Variants in DIPK1A observed in about 807,000 individuals in gnomAD.
DIPK1A encodes the protein divergent protein kinase domain 1A.
DIPK1A carries 27 observed loss-of-function variants against 40.8 expected under a neutral mutation model. That is an observed-to-expected ratio of 0.66 (90% confidence interval 0.49 to 0.91). The LOEUF is 0.91. Among genes scored for constraint, DIPK1A ranks in the 40% least tolerant of loss-of-function variants. The pLI is 0.00. For synonymous variants in DIPK1A, 166 were observed against 171.3 expected, an observed-to-expected ratio of 0.97 and a Z score of 0.24; for missense variants, 412 against 505.7, an observed-to-expected ratio of 0.81 and a Z score of 1.78.
At chr1:92,893,730 C>T (rs1457971314) in intron 1 of DIPK1A, among the ~76,000 whole-genome samples, 1 of 151,874 alleles carries the variant, frequency 6.6e-6, no homozygotes, top group Admixed American at 6.6e-5. Flanking sequence ...GAGTCAAGAC[C>T]CATCAGTGTG....
At chr1:92,922,864 G>GC (rs1193839996) in intron 1 of DIPK1A, among the ~76,000 whole-genome samples, 1 of 151,694 alleles carries the variant, frequency 6.6e-6, no homozygotes, top group African/African-American at 2.4e-5. Flanking sequence ...ACAAGTTCTG[G>GC]CACTGGTGCT....
At chr1:92,881,748 A>G (rs1299343873) in intron 1 of DIPK1A, among the ~76,000 whole-genome samples, 2 of 152,240 alleles carry the variant, frequency 1.3e-5, no homozygotes, top group East Asian at 3.8e-4. Flanking sequence ...TTTGGCTTTT[A>G]GAAAGAGAAA....
intron 1 of DIPK1A, among the ~76,000 whole-genome samples, chr1:92,925,799 T>G (rs1371272503): frequency 1.3e-5 from 2 of 152,130 alleles, no homozygotes; most frequent in East Asian, 3.8e-4. Context: ...AGGCCAAGAC[T>G]ATTCAGTTTT....
intron 1 of DIPK1A, among the ~76,000 whole-genome samples, chr1:92,924,071 T>C (rs1650382705): frequency 1.3e-5 from 2 of 152,240 alleles, no homozygotes; most frequent in South Asian, 4.1e-4. Flanking sequence ...TTTTATACTT[T>C]TCAGTGTAGA....
downstream of DIPK1A, among the ~76,000 whole-genome samples, chr1:92,839,176 T>A (rs2100692898): frequency 6.6e-6 from 1 of 151,972 alleles, no homozygotes; most frequent in South Asian, 2.1e-4. Context: ...CTGGCCAATA[T>A]GGTGAAACCC....
chr1:92,941,761 C>A (rs899707259), intron 1 of DIPK1A, among the ~76,000 whole-genome samples: 1 of 152,108 alleles, frequency 6.6e-6, no homozygotes, highest in Non-Finnish European at 1.5e-5. Flanking sequence ...AAAACTACAT[C>A]GGGAATTCAA....
At position 92,871,888 on chromosome 1, in the gene DIPK1A, C is replaced by A. The variant is rs184702004; in HGVS notation, c.189+4408G>T. Among the ~76,000 whole-genome samples, 247 of 152,086 alleles carry A rather than the reference C, an allele frequency of 1.6e-3. 2 individuals are homozygous for A. The highest frequency in any genetic ancestry group is 5.6e-3 in the African/African-American group (233 of 41,470). On this transcript the variant is annotated intron_variant, in intron 2 of 4. Coordinates refer to ENST00000370310, the MANE Select transcript of DIPK1A (RefSeq NM_001006605.5). ...TGGATGGACAGTTGGCTTGTTTCCA[C>A]CTTTTGGCTACTATGAATAATGCTA...
At chr1:92,928,752 A>G (rs1172570653) in intron 1 of DIPK1A, among the ~76,000 whole-genome samples, 1 of 152,196 alleles carries the variant, frequency 6.6e-6, no homozygotes, top group Non-Finnish European at 1.5e-5. Context: ...GCTTGAGCTC[A>G]GGGGTTTGAG....
At chr1:92,864,450 A>G (rs1306370412) in intron 2 of DIPK1A, among the ~76,000 whole-genome samples, 2 of 152,224 alleles carry the variant, frequency 1.3e-5, no homozygotes, top group African/African-American at 4.8e-5. Flanking sequence ...ATTCCTCATT[A>G]TTACCCAGGT....
chr1:92,920,829 C>T (rs1650241579), intron 1 of DIPK1A, among the ~76,000 whole-genome samples: 2 of 152,116 alleles, frequency 1.3e-5, no homozygotes, highest in African/African-American at 4.8e-5. Flanking sequence ...TTGAACTAGA[C>T]CAGCTGAAGA....
intron 4 of DIPK1A, chr1:92,835,381 G>T: frequency 4.5e-6 from 1 of 222,880 alleles, no homozygotes; most frequent in Non-Finnish European, 9.1e-6. Context: ...GGCTAGGCGC[G>T]GTGGCTCACA....
chr1:92,868,086 T>A (rs1206792306), intron 2 of DIPK1A, among the ~76,000 whole-genome samples: 1 of 152,160 alleles, frequency 6.6e-6, no homozygotes, highest in African/African-American at 2.4e-5. Flanking sequence ...TACTTTATCT[T>A]CATAAAATCT....
intron 1 of DIPK1A, among the ~76,000 whole-genome samples, chr1:92,901,490 G>A (rs746958148): frequency 6.6e-6 from 1 of 152,070 alleles, no homozygotes; most frequent in Admixed American, 6.6e-5. Context: ...GGCTGCAGCT[G>A]TGATTGTACC....
intron 2 of DIPK1A, among the ~76,000 whole-genome samples, chr1:92,870,978 A>G (rs548463814): frequency 3.7e-4 from 57 of 152,220 alleles, no homozygotes; most frequent in African/African-American, 1.3e-3. Flanking sequence ...CTCACTCTCT[A>G]CAGATGTTAA....
At chr1:92,850,662 CA>C (rs1687789912) in intron 3 of DIPK1A, among the ~76,000 whole-genome samples, 185 bp downstream of exon 3, 1 of 152,132 alleles carries the variant, frequency 6.6e-6, no homozygotes, top group South Asian at 2.1e-4. Context: ...GCCTGGACAA[CA>C]GATCCTGTCT....
rs766670594 is a variant in DIPK1A, at chr1:92,843,869, T to C, written c.801A>G (p.Arg267=). Residue 267 remains arginine, a synonymous_variant, in exon 5 of 5, where the codon AGA becomes AGG. Coordinates refer to ENST00000370310, the MANE Select transcript of DIPK1A (RefSeq NM_001006605.5). The part of the protein sequence containing the change: ...MDQLFTPSWP[R]KAKIAIGLLE... The stretch of plus-strand genomic sequence containing the variant: ...GAAGTCCTATGGCTATTTTGGCCTT[T>C]CTTGGCCATGATGGTGTGAACAGCT... The C allele has an allele frequency of 1.6e-5, 25 of 1,551,806 alleles. 1 individual carries two copies. The South Asian group carries it at 2.4e-4, about 15-fold the overall frequency.
rs1233830042 is a variant in DIPK1A at position 92,836,778 on chromosome 1, A to C, written c.475-3744T>G. The C allele has an allele frequency of 6.3e-5, 14 of 222,942 alleles. No homozygotes were observed. In the East Asian group the frequency reaches 1.6e-3, roughly 25 times the overall value. 13.8% of individuals were successfully genotyped at this position (222,942 alleles called of 1,614,324 possible). A position where few individuals can be genotyped will look rare whatever the true frequency, so the allele number is the denominator to read the frequency against. On this transcript the variant is annotated intron_variant, in intron 4 of 4. Coordinates refer to the DIPK1A transcript ENST00000615519. ...AAAAAGGTGGATCCTAGAATTTTATAAGAAGTTTGAGGAAAAGGCTTATGA... is the reference window on the plus strand; with the variant it reads ...AAAAAGGTGGATCCTAGAATTTTATCAGAAGTTTGAGGAAAAGGCTTATGA...
At chr1:92,855,653 T>C (rs1471420728) in intron 2 of DIPK1A, among the ~76,000 whole-genome samples, 2 of 150,554 alleles carry the variant, frequency 1.3e-5, no homozygotes, top group Admixed American at 1.3e-4. Flanking sequence ...GCCACGATCA[T>C]GCCATTGTAC....
intron 2 of DIPK1A, among the ~76,000 whole-genome samples, chr1:92,873,610 G>A (rs1227676885): frequency 7.2e-6 from 1 of 138,040 alleles, no homozygotes; most frequent in Admixed American, 7.4e-5. Flanking sequence ...GCAAAACTCT[G>A]TCTCAAAAAA....
Sources: gnomAD v4.1 joint callset for allele counts (sites outside exome capture counted in the v4.1 genomes callset) on GRCh38, gnomAD v4.1.1 for gene constraint, MANE v1.5 for transcripts, NCBI Gene and HGNC (gene_info 2026-07-23, HGNC 2026-07-21) for gene names.